The following MYO9B variants were observed in gnomAD, a reference collection of about 807,000 sequenced individuals.
MYO9B encodes myosin IXB, also known as unconventional myosin-IXb.
Under a neutral mutation model 229.5 loss-of-function variants are expected in MYO9B, and 71 were observed. The ratio of observed to expected loss-of-function variants is 0.31; its 90% CI spans 0.26 to 0.38. The LOEUF (loss-of-function observed/expected upper bound fraction) is 0.38, where lower values mean the gene tolerates loss of function less well. MYO9B is among the 10% of genes least tolerant of loss of function. The pLI is 1.00. For missense variants in MYO9B, 2,255 were observed against 2,920.5 expected, an observed-to-expected ratio of 0.77 and a Z score of 5.25; for synonymous variants, 1,185 against 1,235.8, an observed-to-expected ratio of 0.96 and a Z score of 0.86.
chr19:17,096,693 GTT>G (rs1491025405), intron 1 of MYO9B, among the ~76,000 whole-genome samples: 1,467 of 107,960 alleles, frequency 0.014, 33 homozygotes, highest in African/African-American at 0.055. Context: ...TGTTGTTGTT[GTT>G]GTTGTTGTTG....
chr19:17,120,285 GCTGGGCAGC>G (rs1475283273), intron 2 of MYO9B, among the ~76,000 whole-genome samples: 1 of 152,156 alleles, frequency 6.6e-6, no homozygotes, highest in Non-Finnish European at 1.5e-5. Context: ...CCCAAGACAG[GCTGGGCAGC>G]CACCGCTACT....
At chr19:17,198,610 C>CTA (rs1326602353) in intron 24 of MYO9B, among the ~76,000 whole-genome samples, 2 of 151,890 alleles carry the variant, frequency 1.3e-5, no homozygotes, top group African/African-American at 4.8e-5. Flanking sequence ...TGGCAGGCAC[C>CTA]TATAATCCCA....
In MYO9B at chr19:17,203,079, C is replaced by T. The variant is rs78749967; in HGVS notation, c.4879-68C>T. On this transcript the variant is annotated intron_variant, in intron 29 of 39. Transcript: ENST00000682292. ...TCACCCCTGAGATCCCATGGGTCGT[C>T]ATCCACCAGTGGCTGGGGAGGGCTG... The T allele has an allele frequency of 8.6e-3, 12,301 of 1,433,342 alleles. 139 individuals carry two copies. Among genetic ancestry groups the T allele is most frequent in the South Asian group, 0.039 (3,072 of 79,338 alleles). The allele number at this position is 1,433,342 out of a possible 1,614,324, so 88.8% of individuals were successfully genotyped here. A position where few individuals can be genotyped will look rare whatever the true frequency, so the allele number is the denominator to read the frequency against.
chr19:17,177,070 G>T (rs755021683), intron 14 of MYO9B, among the ~76,000 whole-genome samples: 1 of 151,992 alleles, frequency 6.6e-6, no homozygotes, highest in African/African-American at 2.4e-5. Flanking sequence ...GCGTGGTGGC[G>T]AGTACCTGTA....
intron 8 of MYO9B, 126 bp from the exon 9 acceptor site, chr19:17,162,224 G>A (rs2072611206): frequency 1.4e-6 from 1 of 717,232 alleles, no homozygotes; most frequent in East Asian, 2.9e-5. Flanking sequence ...AGAATCTCTT[G>A]AACCCAGGAG....
chr19:17,180,871 C>G lies in MYO9B; in HGVS notation c.2220-56C>G, dbSNP rs528858397. 2.4e-6 allele frequency: 3 copies of G among 1,264,754 alleles called. No individual in the cohort carries two copies. In the African/African-American group the frequency reaches 4.4e-5, roughly 19 times the overall value. The allele number at this position is 1,264,754 out of a possible 1,614,324, so 78.3% of individuals were successfully genotyped here. A position where few individuals can be genotyped will look rare whatever the true frequency, so the allele number is the denominator to read the frequency against. On this transcript the variant is annotated intron_variant, in intron 14 of 39. Transcript: ENST00000682292. Reference sequence around the variant, plus strand: ...CGCTGGGAACCCCGAGGTGGCAGGCCTGCTTCTAACTCCATCTTCTTTCTG... The same window carrying G: ...CGCTGGGAACCCCGAGGTGGCAGGCGTGCTTCTAACTCCATCTTCTTTCTG...
chr19:17,146,144 TG>T (rs1445743292), intron 3 of MYO9B, among the ~76,000 whole-genome samples: 1 of 150,026 alleles, frequency 6.7e-6, no homozygotes, highest in African/African-American at 2.5e-5. Flanking sequence ...AATAGATTCA[TG>T]AATGGGTGGG....
chr19:17,101,702 C>T lies in MYO9B; in HGVS notation c.-16C>T. ...CCCGAGCCTGGGAGGCATGCTGAAG[C>T]CAGGCGGCCGGCAGGATGAGTGTGA... On this transcript the variant is annotated 5_prime_UTR_variant, in exon 2 of 40. Coordinates refer to ENST00000682292, the MANE Select transcript of MYO9B (RefSeq NM_004145.4). The surrounding 1 kb of genome is among the most constrained non-coding windows in gnomAD (Gnocchi z 4.7). The T allele has an allele frequency of 6.5e-7, 1 of 1,548,076 alleles. No individual in the cohort carries two copies. Among genetic ancestry groups the T allele is most frequent in the South Asian group, 1.2e-5 (1 of 85,716 alleles).
intron 2 of MYO9B, among the ~76,000 whole-genome samples, chr19:17,121,184 C>T (rs2057960563): frequency 6.6e-6 from 1 of 152,136 alleles, no homozygotes; most frequent in Non-Finnish European, 1.5e-5. Context: ...CTCAAGCCAT[C>T]CACCCATCTT....
At chr19:17,093,342 A>G (rs547209405) in intron 1 of MYO9B, among the ~76,000 whole-genome samples, 2 of 152,238 alleles carry the variant, frequency 1.3e-5, no homozygotes, top group South Asian at 4.1e-4. Flanking sequence ...CAAAAAAAAA[A>G]AAAGAAAAAG....
At chr19:17,206,225 G>GGGGGGCCCCCCCCC in intron 32 of MYO9B, 23 bp from the exon 33 acceptor site, 16 of 1,564,636 alleles carry the variant, frequency 1.0e-5, no homozygotes, top group Non-Finnish European at 1.4e-5. Context: ...CCGCTCACCA[G>GGGGGGCCCCCCCCC]ACCCACCCCA....
chr19:17,205,766 C>G (rs1274352781), intron 31 of MYO9B, among the ~76,000 whole-genome samples, 194 bp from the exon 32 acceptor site: 2 of 152,158 alleles, frequency 1.3e-5, no homozygotes, highest in Non-Finnish European at 2.9e-5. Context: ...AAGCCCCTGC[C>G]CAGTGGCTGC....
At chr19:17,160,687 TTTTA>T (rs575264070) in intron 8 of MYO9B, among the ~76,000 whole-genome samples, 3 of 151,076 alleles carry the variant, frequency 2.0e-5, no homozygotes, top group African/African-American at 4.9e-5. Context: ...TTTTTTGCAT[TTTTA>T]TTTATTTATT....
At chr19:17,146,683 A>G (rs975060303) in intron 3 of MYO9B, among the ~76,000 whole-genome samples, 11 of 152,112 alleles carry the variant, frequency 7.2e-5, no homozygotes, top group African/African-American at 1.9e-4. Context: ...GGATGTGTCA[A>G]TTAGCGAATG....
intron 1 of MYO9B, among the ~76,000 whole-genome samples, chr19:17,076,401 C>T (rs2057484526): frequency 6.6e-6 from 1 of 151,946 alleles, no homozygotes; most frequent in Non-Finnish European, 1.5e-5. Flanking sequence ...CTAACTGATG[C>T]GGCAGCCGGC....
chr19:17,188,217 T>C (rs1037462175), intron 19 of MYO9B, among the ~76,000 whole-genome samples, 172 bp downstream of exon 19: 1 of 151,340 alleles, frequency 6.6e-6, no homozygotes, highest in African/African-American at 2.4e-5. Flanking sequence ...TCACCTGAGG[T>C]CAAGAGTTCA....
chr19:17,138,569 C>T (rs953564171), intron 2 of MYO9B, among the ~76,000 whole-genome samples: 7 of 152,158 alleles, frequency 4.6e-5, no homozygotes, highest in African/African-American at 9.6e-5. Context: ...GTGACCACTG[C>T]GCCCAGCCAC....
chr19:17,169,510 T>C (rs1568283078), intron 11 of MYO9B, among the ~76,000 whole-genome samples: 2 of 152,090 alleles, frequency 1.3e-5, no homozygotes, highest in South Asian at 4.1e-4. Context: ...TTCCAGCTAC[T>C]TGGGAGGCTG....
At position 17,148,963 on chromosome 19, in the gene MYO9B, G is replaced by A. The variant is rs529106986; in HGVS notation, c.935+3472G>A. Among the ~76,000 whole-genome samples the A allele has an allele frequency of 2.8e-4, 42 of 152,094 alleles. No individual in the cohort carries two copies. The South Asian group carries it at 8.5e-3, about 31-fold the overall frequency. ...ATGATCCTGAGGCCTTTAACTTAAT[G>A]GCCTCTGCAAAGATCCTTTTTTATG... On this transcript the variant is annotated intron_variant, in intron 3 of 39. Transcript: ENST00000682292.
Sources: gnomAD v4.1 joint callset for allele counts (sites outside exome capture counted in the v4.1 genomes callset) on GRCh38, gnomAD v4.1.1 for gene constraint, Gnocchi (gnomAD v3.1) non-coding constraint, MANE v1.5 for transcripts, NCBI Gene and HGNC (gene_info 2026-07-23, HGNC 2026-07-21) for gene names.